Variants in ERBB4 observed in about 807,000 individuals in gnomAD.
ERBB4 encodes the protein receptor tyrosine-protein kinase erbB-4.
Under a neutral mutation model 158.0 loss-of-function variants are expected in ERBB4, and 42 were observed. That is an observed-to-expected ratio of 0.27 (90% confidence interval 0.21 to 0.34). ERBB4 has a LOEUF of 0.34. ERBB4 is among the 10% of genes least tolerant of loss of function. The probability of loss-of-function intolerance (pLI) is 1.00; values close to 1 mark genes in which losing one functional copy is unlikely to be tolerated. For missense variants in ERBB4, 1,333 were observed against 1,624.1 expected (o/e 0.82, Z 3.08); for synonymous variants, 583 against 558.7 (o/e 1.04, Z -0.61).
intron 3 of ERBB4, among the ~76,000 whole-genome samples, chr2:211,800,291 C>T (rs755957611): frequency 9.9e-5 from 15 of 152,046 alleles, no homozygotes; most frequent in Non-Finnish European, 1.9e-4. Flanking sequence ...TTACAGAAAT[C>T]CTATGAGGTA....
chr2:212,509,194 A>G (rs116771258), intron 1 of ERBB4, among the ~76,000 whole-genome samples: 1,751 of 152,192 alleles, frequency 0.012, 15 homozygotes, highest in Middle Eastern at 0.037. Flanking sequence ...CCTACTATTC[A>G]TGGATAAGGC....
At position 212,291,081 on chromosome 2, in the gene ERBB4, T is replaced by C. The variant is rs1260231662; in HGVS notation, c.83-166178A>G. Reference sequence around the variant, plus strand: ...TACCAACACACATTGCCCAATAAAGTAGGGAACTTACTATGGGAAAAGGAG... The same window carrying C: ...TACCAACACACATTGCCCAATAAAGCAGGGAACTTACTATGGGAAAAGGAG... On this transcript the variant is annotated intron_variant, in intron 1 of 27. Transcript: ENST00000342788. Among the ~76,000 whole-genome samples, 3 of 152,004 alleles carry C rather than the reference T, an allele frequency of 2.0e-5. No individual in the cohort carries two copies. In the East Asian group the frequency reaches 5.8e-4, roughly 29 times the overall value.
intron 3 of ERBB4, among the ~76,000 whole-genome samples, chr2:211,805,197 G>A (rs999146060): frequency 2.0e-5 from 3 of 152,106 alleles, no homozygotes; most frequent in Non-Finnish European, 2.9e-5. Context: ...AAAGTGCTGG[G>A]ATTACAGGTG....
chr2:212,075,786 T>G (rs1290619943), intron 2 of ERBB4, among the ~76,000 whole-genome samples: 1 of 151,952 alleles, frequency 6.6e-6, no homozygotes, highest in Non-Finnish European at 1.5e-5. Context: ...ATCTCATTTA[T>G]TTTTGAATTT....
intron 2 of ERBB4, among the ~76,000 whole-genome samples, chr2:212,054,179 T>TGAC (rs2077483167): frequency 6.6e-6 from 1 of 152,150 alleles, no homozygotes; most frequent in Admixed American, 6.5e-5. Flanking sequence ...GTAGGGAGTT[T>TGAC]ATTATATGAC....
chr2:212,351,697 T>C (rs1041629452), intron 1 of ERBB4, among the ~76,000 whole-genome samples: 2 of 152,156 alleles, frequency 1.3e-5, no homozygotes, highest in African/African-American at 2.4e-5. Flanking sequence ...ACAATAGCTA[T>C]TGGCAAGAAG....
At chr2:212,401,226 C>T (rs1226604288) in intron 1 of ERBB4, among the ~76,000 whole-genome samples, 1 of 152,132 alleles carries the variant, frequency 6.6e-6, no homozygotes, top group Non-Finnish European at 1.5e-5. Context: ...ATTAGCTCTG[C>T]AGTCTTGAAC....
At chr2:211,817,758 G>GCTC (rs2076909366) in intron 3 of ERBB4, among the ~76,000 whole-genome samples, 1 of 152,148 alleles carries the variant, frequency 6.6e-6, no homozygotes, top group South Asian at 2.1e-4. Context: ...AAAGGTAAGA[G>GCTC]ATGAGCCCTT....
At chr2:212,291,816 C>T (rs577380931) in intron 1 of ERBB4, among the ~76,000 whole-genome samples, 1 of 152,052 alleles carries the variant, frequency 6.6e-6, no homozygotes, top group South Asian at 2.1e-4. Context: ...GCACTGTACC[C>T]ATAACATCTT....
chr2:211,786,413 A>G (rs954908055), intron 4 of ERBB4, among the ~76,000 whole-genome samples: 1 of 152,218 alleles, frequency 6.6e-6, no homozygotes, highest in South Asian at 2.1e-4. Context: ...TTGGCAATCA[A>G]TTGGTAGTTA....
intron 20 of ERBB4, among the ~76,000 whole-genome samples, chr2:211,457,681 A>G (rs1008214920): frequency 1.3e-5 from 2 of 152,238 alleles, no homozygotes; most frequent in Non-Finnish European, 2.9e-5. Context: ...CACAAGGTTA[A>G]GGATAAACTG....
chr2:211,509,333 C>T (rs1198164022), intron 20 of ERBB4, among the ~76,000 whole-genome samples: 6 of 151,888 alleles, frequency 4.0e-5, no homozygotes, highest in African/African-American at 1.2e-4. Flanking sequence ...TACATGTATC[C>T]CAGAACTTAA....
chr2:211,870,473 T>C (rs1389780385), intron 3 of ERBB4, among the ~76,000 whole-genome samples: 1 of 152,168 alleles, frequency 6.6e-6, no homozygotes, highest in Non-Finnish European at 1.5e-5. Flanking sequence ...CTTAGTCATA[T>C]GCCCTTTATT....
chr2:212,497,355 G>A (rs960644395), intron 1 of ERBB4, among the ~76,000 whole-genome samples: 2 of 151,898 alleles, frequency 1.3e-5, no homozygotes, highest in African/African-American at 4.8e-5. Context: ...TTGAAATACT[G>A]GTTTTATTCT....
At chr2:212,195,471 T>A (rs549958402) in intron 1 of ERBB4, among the ~76,000 whole-genome samples, 25 of 146,004 alleles carry the variant, frequency 1.7e-4, no homozygotes, top group Admixed American at 1.3e-3. Context: ...AGGCTATTTT[T>A]AAATTTAAAT....
At chr2:212,521,594 T>C (rs1692171119) in intron 1 of ERBB4, among the ~76,000 whole-genome samples, 1 of 151,902 alleles carries the variant, frequency 6.6e-6, no homozygotes, top group Admixed American at 6.6e-5. Flanking sequence ...TACTATAGCA[T>C]ACAAAATATA....
intron 20 of ERBB4, among the ~76,000 whole-genome samples, chr2:211,470,393 T>C (rs2064802847): frequency 6.6e-6 from 1 of 152,074 alleles, no homozygotes; most frequent in African/African-American, 2.4e-5. Flanking sequence ...AGGTGTAAAA[T>C]TGGAACATAT....
At chr2:212,032,789 T>G (rs1157518788) in intron 2 of ERBB4, among the ~76,000 whole-genome samples, 1 of 151,896 alleles carries the variant, frequency 6.6e-6, no homozygotes, top group Admixed American at 6.6e-5. Context: ...GGTAAGGACA[T>G]AGATGGGCTA....
intron 2 of ERBB4, among the ~76,000 whole-genome samples, chr2:211,974,747 G>C (rs1396133653): frequency 2.0e-5 from 3 of 152,064 alleles, no homozygotes; most frequent in Non-Finnish European, 2.9e-5. Flanking sequence ...GGGTGACAAA[G>C]TGAAACACTG....
Sources: allele counts gnomAD v4.1 joint callset (sites outside exome capture counted in the v4.1 genomes callset), GRCh38; gene constraint gnomAD v4.1.1; transcripts MANE v1.5; gene names NCBI Gene and HGNC (gene_info 2026-07-23, HGNC 2026-07-21).